The following SPMAP2L variants were observed in gnomAD, a reference collection of about 807,000 sequenced individuals.
The protein encoded by SPMAP2L is sperm microtubule associated protein 2-like.
chr4:56,567,680 A>G, the SPMAP2L span, among the ~76,000 whole-genome samples: 4 of 151,990 alleles, frequency 2.6e-5, no homozygotes, highest in African/African-American at 4.8e-5. Flanking sequence ...TTTGAACTGT[A>G]TTTTTGGTGG....
chr4:56,596,609 G>A, the SPMAP2L span: 5 of 1,527,314 alleles, frequency 3.3e-6, no homozygotes, highest in Admixed American at 4.1e-5. Context: ...GAAAGACAAA[G>A]AAGTGAACTG....
the SPMAP2L span, among the ~76,000 whole-genome samples, chr4:56,576,814 A>T: frequency 6.6e-6 from 1 of 152,244 alleles, no homozygotes; most frequent in Non-Finnish European, 1.5e-5. Flanking sequence ...ACAAAGGAAT[A>T]CTTTATTGCC....
chr4:56,552,460 T>C, the SPMAP2L span: 1 of 681,452 alleles, frequency 1.5e-6, no homozygotes, highest in Non-Finnish European at 2.5e-6. Context: ...TTTAGTTCTT[T>C]TTTTTCCCCC....
chr4:56,596,353 G>A, the SPMAP2L span: 179 of 630,540 alleles, frequency 2.8e-4, 1 homozygote, highest in African/African-American at 2.9e-3. Flanking sequence ...CCTTTCAGCT[G>A]TGATTATAGG....
the SPMAP2L span, chr4:56,530,905 G>A: frequency 6.5e-7 from 1 of 1,535,122 alleles, no homozygotes; most frequent in Non-Finnish European, 8.7e-7. Flanking sequence ...CGAGGAATGT[G>A]ATGAGCCTCA....
chr4:56,586,471 C>G, the SPMAP2L span, among the ~76,000 whole-genome samples: 7 of 152,122 alleles, frequency 4.6e-5, no homozygotes, highest in African/African-American at 1.2e-4. Flanking sequence ...TAATTACTAC[C>G]CAAAGTGCCC....
the SPMAP2L span, chr4:56,559,352 C>A: frequency 6.6e-6 from 8 of 1,207,682 alleles, no homozygotes; most frequent in Admixed American, 6.5e-5. Flanking sequence ...CACTAGCAAT[C>A]AATTTTTTTT....
the SPMAP2L span, among the ~76,000 whole-genome samples, chr4:56,583,291 G>GAA: frequency 1.4e-5 from 2 of 144,596 alleles, no homozygotes; most frequent in South Asian, 2.2e-4. Flanking sequence ...AAAATAAAAG[G>GAA]AAAAAAAAAA....
chr4:56,608,213 C>A, the SPMAP2L span, among the ~76,000 whole-genome samples: 5 of 152,058 alleles, frequency 3.3e-5, no homozygotes, highest in African/African-American at 1.2e-4. Context: ...CTTGGCTTCC[C>A]TTGACTGCTT....
At chr4:56,534,491 G>A in the SPMAP2L span, among the ~76,000 whole-genome samples, 7 of 152,228 alleles carry the variant, frequency 4.6e-5, no homozygotes, top group South Asian at 1.0e-3. Flanking sequence ...CTTATTCCCT[G>A]GGTGAGGTCA....
the SPMAP2L span, among the ~76,000 whole-genome samples, chr4:56,572,418 C>T: frequency 3.3e-5 from 5 of 152,174 alleles, no homozygotes; most frequent in Non-Finnish European, 7.3e-5. Flanking sequence ...CTGTATTTTA[C>T]ATTTGGTATT....
chr4:56,566,432 C>T, the SPMAP2L span, among the ~76,000 whole-genome samples: 26 of 152,170 alleles, frequency 1.7e-4, no homozygotes, highest in South Asian at 8.3e-4. Flanking sequence ...CTCCTGACCT[C>T]GTGATCCACC....
chr4:56,624,344 G>T, the SPMAP2L span, among the ~76,000 whole-genome samples: 1 of 152,190 alleles, frequency 6.6e-6, no homozygotes. Context: ...TCAAAAATTT[G>T]CAGCCTATGA....
chr4:56,588,706 C>T, the SPMAP2L span, among the ~76,000 whole-genome samples: 3 of 152,212 alleles, frequency 2.0e-5, no homozygotes, highest in African/African-American at 7.2e-5. Flanking sequence ...GCTGGGATTA[C>T]AGGCGTTAGC....
At chr4:56,550,660 G>A in the SPMAP2L span, among the ~76,000 whole-genome samples, 171 of 152,274 alleles carry the variant, frequency 1.1e-3, no homozygotes, top group African/African-American at 3.9e-3. Context: ...AGGCTGTGAC[G>A]AGTGTGGTTT....
At chr4:56,611,414 G>A in the SPMAP2L span, among the ~76,000 whole-genome samples, 1 of 152,088 alleles carries the variant, frequency 6.6e-6, no homozygotes, top group African/African-American at 2.4e-5. Context: ...GTGGACTTTG[G>A]GAACTTGGGG....
chr4:56,533,355 C>T, the SPMAP2L span, among the ~76,000 whole-genome samples: 114 of 152,258 alleles, frequency 7.5e-4, no homozygotes, highest in Non-Finnish European at 1.2e-3. Flanking sequence ...CTTTCCTCCT[C>T]GCTCTTAGCT....
At chr4:56,550,022 ATACC>A in the SPMAP2L span, among the ~76,000 whole-genome samples, 1 of 152,230 alleles carries the variant, frequency 6.6e-6, no homozygotes, top group African/African-American at 2.4e-5. Flanking sequence ...AAAGTAAATA[ATACC>A]AGATTTTATT....
the SPMAP2L span, chr4:56,584,721 CA>C: frequency 1.3e-6 from 1 of 766,616 alleles, no homozygotes; most frequent in Middle Eastern, 2.3e-4. Context: ...TCCCTCTTAT[CA>C]AATGAACTTT....
Sources: allele counts gnomAD v4.1 joint callset (sites outside exome capture counted in the v4.1 genomes callset), GRCh38; gene constraint gnomAD v4.1.1; transcripts MANE v1.5; gene names NCBI Gene and HGNC (gene_info 2026-07-23, HGNC 2026-07-21).